The following DEFB130B variants were observed in gnomAD, a reference collection of about 807,000 sequenced individuals.
DEFB130B encodes defensin beta 130B.
intron 1 of DEFB130B, among the ~76,000 whole-genome samples, chr8:12,066,750 TGGAAA>T (rs934234246): frequency 1.1e-5 from 1 of 89,728 alleles, no homozygotes; most frequent in African/African-American, 3.6e-5. Context: ...TAAGTGCCTT[TGGAAA>T]AAGAAACAAT....
chr8:12,066,946 G>A (rs1426007589), intron 1 of DEFB130B, among the ~76,000 whole-genome samples: 1 of 123,508 alleles, frequency 8.1e-6, no homozygotes, highest in Non-Finnish European at 1.8e-5. Context: ...TTTTTTGGAT[G>A]ATGTAGAGGA....
intron 1 of DEFB130B, among the ~76,000 whole-genome samples, chr8:12,065,124 ACCTTT>A (rs1801750927): frequency 8.5e-6 from 1 of 116,982 alleles, no homozygotes; most frequent in Admixed American, 8.7e-5. Flanking sequence ...TGTAAGAAAT[ACCTTT>A]CCTATGTTGC....
chr8:12,068,663 CAT>C (rs1801797869), intron 1 of DEFB130B, among the ~76,000 whole-genome samples: 1 of 94,570 alleles, frequency 1.1e-5, no homozygotes, highest in African/African-American at 6.7e-5. Context: ...TTTCATATCA[CAT>C]GTCACTACAA....
At chr8:12,066,913 T>G (rs1243261060) in intron 1 of DEFB130B, among the ~76,000 whole-genome samples, 1 of 124,030 alleles carries the variant, frequency 8.1e-6, no homozygotes, top group Non-Finnish European at 1.8e-5. Context: ...ACTCATTGAG[T>G]CAGTAACTTT....
chr8:12,066,707 C>CCTCA (rs1801778145), intron 1 of DEFB130B, among the ~76,000 whole-genome samples: 1 of 90,688 alleles, frequency 1.1e-5, no homozygotes, highest in Non-Finnish European at 2.6e-5. Context: ...ATGGTTATAT[C>CCTCA]ACACGGCAGT....
rs1305266514 is a variant in DEFB130B at position 12,066,984 on chromosome 8, C to T, written c.59-2414G>A. 1.2e-4 allele frequency among the ~76,000 whole-genome samples: 13 copies of T among 108,616 alleles called. 1 individual carries two copies. Among genetic ancestry groups the T allele is most frequent in the Non-Finnish European group, 2.1e-4 (10 of 47,708 alleles). The allele number at this position is 108,616 out of a possible 152,430, so 71.3% of individuals were successfully genotyped here. ...TAAATGGAACAGGATCTGCCTGGAA[C>T]TTTATCAATCAAAAAATAGAAGTGC... On this transcript the variant is annotated intron_variant, in intron 1 of 1. Coordinates refer to ENST00000437818, the MANE Select transcript of DEFB130B (RefSeq NM_001195257.1).
At chr8:12,065,160 G>T (rs1585130188) in intron 1 of DEFB130B, among the ~76,000 whole-genome samples, 1 of 70,466 alleles carries the variant, frequency 1.4e-5, no homozygotes, top group African/African-American at 4.4e-5. Flanking sequence ...ATAGATAGAT[G>T]GAGGAATGGA....
At chr8:12,069,563 AC>A (rs1801814774) in intron 1 of DEFB130B, among the ~76,000 whole-genome samples, 1 of 136,680 alleles carries the variant, frequency 7.3e-6, no homozygotes. Context: ...CACATGAACC[AC>A]TTGAACAGAA....
At chr8:12,065,052 T>G (rs1333765001) in intron 1 of DEFB130B, among the ~76,000 whole-genome samples, 2 of 114,738 alleles carry the variant, frequency 1.7e-5, no homozygotes, top group Non-Finnish European at 4.1e-5. Flanking sequence ...TTCATCTCCT[T>G]TCATAGAAAG....
chr8:12,067,205 T>C (rs369190752), intron 1 of DEFB130B, among the ~76,000 whole-genome samples: 20 of 9,314 alleles, frequency 2.1e-3, no homozygotes, highest in East Asian at 0.021. Flanking sequence ...CCAGCATATA[T>C]ATGTATGTTT....
At chr8:12,069,461 A>G (rs1801811537) in intron 1 of DEFB130B, among the ~76,000 whole-genome samples, 1 of 137,018 alleles carries the variant, frequency 7.3e-6, no homozygotes, top group Non-Finnish European at 1.7e-5. Context: ...CTAAGCAAAA[A>G]GAGCAACACT....
chr8:12,069,475 G>T (rs987072210), intron 1 of DEFB130B, among the ~76,000 whole-genome samples: 7 of 136,986 alleles, frequency 5.1e-5, no homozygotes, highest in African/African-American at 1.8e-4. Flanking sequence ...CAACACTGGA[G>T]GCATCATCCT....
chr8:12,067,241 C>G (rs942655535), intron 1 of DEFB130B, among the ~76,000 whole-genome samples: 13 of 5,436 alleles, frequency 2.4e-3, no homozygotes, highest in Admixed American at 5.7e-3. Flanking sequence ...TCTATATGAA[C>G]TATTCCAATT....
intron 1 of DEFB130B, among the ~76,000 whole-genome samples, chr8:12,065,168 GGATAGATAGATA>G (rs1161076222): frequency 1.4e-4 from 4 of 29,406 alleles, no homozygotes; most frequent in East Asian, 2.8e-3. Context: ...ATGGAGGAAT[GGATAGATAGATA>G]GATAGATAGA....
chr8:12,065,365 C>T lies in DEFB130B; in HGVS notation c.59-795G>A, dbSNP rs1267220463. The stretch of plus-strand genomic sequence containing the variant: ...TGCTTACTATCCTTTCTCTTGCCTT[C>T]TCAGCACAACCATAGTTTATTTTTC... On this transcript the variant is annotated intron_variant, in intron 1 of 1. Coordinates refer to ENST00000437818, the MANE Select transcript of DEFB130B (RefSeq NM_001195257.1). Among the ~76,000 whole-genome samples, 87 of 28,228 alleles carry T rather than the reference C, an allele frequency of 3.1e-3. 23 individuals are homozygous for T. The highest frequency in any genetic ancestry group is 6.5e-3 in the African/African-American group (81 of 12,528). 18.5% of individuals were successfully genotyped at this position (28,228 alleles called of 152,430 possible). A position where few individuals can be genotyped will look rare whatever the true frequency, so the allele number is the denominator to read the frequency against.
In DEFB130B at chr8:12,065,177, G is replaced by C. The variant is rs1254557589; in HGVS notation, c.59-607C>G. Reference sequence around the variant, plus strand: ...AGATAGATGGAGGAATGGATAGATAGATAGATAGATAGATAGATAGATAGA... The same window carrying C: ...AGATAGATGGAGGAATGGATAGATACATAGATAGATAGATAGATAGATAGA... On this transcript the variant is annotated intron_variant, in intron 1 of 1. Transcript: ENST00000437818. Among the ~76,000 whole-genome samples the C allele has an allele frequency of 3.2e-3, 104 of 32,948 alleles. 1 individual carries two copies. The highest frequency in any genetic ancestry group is 6.0e-3 in the African/African-American group (100 of 16,702). The allele number at this position is 32,948 out of a possible 152,430, so 21.6% of individuals were successfully genotyped here.
rs532035049 is a variant in DEFB130B, at chr8:12,066,858, G to A, written c.59-2288C>T. Reference sequence around the variant, plus strand: ...CACACTGGAAAATACCCTTAATAGCGCATTCATCTACTTTCTAAAAGGATA... The same window carrying A: ...CACACTGGAAAATACCCTTAATAGCACATTCATCTACTTTCTAAAAGGATA... On this transcript the variant is annotated intron_variant, in intron 1 of 1. Transcript: ENST00000437818. Among the ~76,000 whole-genome samples the A allele has an allele frequency of 5.1e-3, 533 of 103,528 alleles. 54 individuals are homozygous for A. Among genetic ancestry groups the A allele is most frequent in the Non-Finnish European group, 9.0e-3 (407 of 45,226 alleles). The allele number at this position is 103,528 out of a possible 152,430, so 67.9% of individuals were successfully genotyped here.
intron 1 of DEFB130B, among the ~76,000 whole-genome samples, chr8:12,066,880 G>C (rs1227824907): frequency 8.8e-6 from 1 of 114,146 alleles, no homozygotes; most frequent in East Asian, 2.1e-4. Context: ...TTTCTAAAAG[G>C]ATATAACTTT....
Position 12,067,260 on chromosome 8 carries a change from G to C in DEFB130B, c.59-2690C>G, listed in dbSNP as rs974135173. On this transcript the variant is annotated intron_variant, in intron 1 of 1. Coordinates refer to ENST00000437818, the MANE Select transcript of DEFB130B (RefSeq NM_001195257.1). ...TATGAACTATTCCAATTTTTTATAG[G>C]ATACCATGGATTCTTTTTGGATTAA... 1.4e-3 allele frequency among the ~76,000 whole-genome samples: 5 copies of C among 3,530 alleles called. 1 individual carries two copies. The East Asian group carries it at 0.016, about 12-fold the overall frequency. 2.3% of individuals were successfully genotyped at this position (3,530 alleles called of 152,430 possible).
Sources: gnomAD v4.1 joint callset for allele counts (sites outside exome capture counted in the v4.1 genomes callset) on GRCh38, gnomAD v4.1.1 for gene constraint, MANE v1.5 for transcripts, NCBI Gene and HGNC (gene_info 2026-07-23, HGNC 2026-07-21) for gene names.